SPAG16: variants seen among roughly 807,000 people sequenced by gnomAD.
The protein encoded by SPAG16 is sperm-associated antigen 16 protein.
SPAG16 carries 86 observed loss-of-function variants against 80.4 expected under a neutral mutation model. The ratio of observed to expected loss-of-function variants is 1.07; its 90% confidence interval spans 0.90 to 1.28. The LOEUF is 1.28. Ranked by LOEUF, SPAG16 falls within the 50% of genes most tolerant of loss-of-function variation. The pLI is 0.00. For missense variants in SPAG16, 870 were observed against 765.3 expected (o/e 1.14, Z -1.61); for synonymous variants, 294 against 265.9 (o/e 1.11, Z -1.03).
chr2:213,717,563 T>A (rs993735756), intron 10 of SPAG16, among the ~76,000 whole-genome samples: 23 of 152,080 alleles, frequency 1.5e-4, no homozygotes, highest in Non-Finnish European at 3.2e-4. Flanking sequence ...CTCTTTTTTT[T>A]TTTAAACAAG....
chr2:213,849,002 T>C (rs2074771193), intron 10 of SPAG16, among the ~76,000 whole-genome samples: 1 of 152,188 alleles, frequency 6.6e-6, no homozygotes, highest in South Asian at 2.1e-4. Context: ...ACCTTATGGG[T>C]TTGTGTTGCT....
chr2:214,312,689 G>T (rs1350858787), intron 15 of SPAG16, among the ~76,000 whole-genome samples: 1 of 152,088 alleles, frequency 6.6e-6, no homozygotes, highest in Non-Finnish European at 1.5e-5. Context: ...TATGTATGGG[G>T]AGCACAAGGC....
At chr2:214,383,909 T>C (rs1429825053) in intron 15 of SPAG16, among the ~76,000 whole-genome samples, 1 of 75,596 alleles carries the variant, frequency 1.3e-5, no homozygotes, top group Non-Finnish European at 2.8e-5. Flanking sequence ...CAACAATTCA[T>C]GGACATGGCA....
intron 13 of SPAG16, among the ~76,000 whole-genome samples, chr2:214,089,334 T>C (rs2052008896): frequency 6.6e-6 from 1 of 152,170 alleles, no homozygotes; most frequent in Admixed American, 6.6e-5. Context: ...TTTTACATTA[T>C]GTACCAAAAG....
intron 10 of SPAG16, among the ~76,000 whole-genome samples, chr2:213,775,599 A>G (rs983008733): frequency 6.6e-6 from 1 of 152,160 alleles, no homozygotes; most frequent in Non-Finnish European, 1.5e-5. Flanking sequence ...CATAACTGAA[A>G]CACTGTACAC....
chr2:213,532,173 T>C (rs1409922995), intron 10 of SPAG16, among the ~76,000 whole-genome samples: 1 of 152,210 alleles, frequency 6.6e-6, no homozygotes, highest in East Asian at 1.9e-4. Context: ...AACAAAATCT[T>C]ATAAATTATT....
At chr2:213,453,177 C>A (rs1476726196) in intron 9 of SPAG16, among the ~76,000 whole-genome samples, 1 of 152,196 alleles carries the variant, frequency 6.6e-6, no homozygotes, top group African/African-American at 2.4e-5. Flanking sequence ...TTATCAATAT[C>A]ATTCTTGATC....
intron 10 of SPAG16, among the ~76,000 whole-genome samples, chr2:213,844,669 T>A (rs1199928142): frequency 6.6e-6 from 1 of 152,202 alleles, no homozygotes; most frequent in Non-Finnish European, 1.5e-5. Flanking sequence ...TGATTATTAA[T>A]AAGGTGTAGG....
At chr2:214,234,921 T>C (rs1688974523) in intron 15 of SPAG16, among the ~76,000 whole-genome samples, 1 of 152,144 alleles carries the variant, frequency 6.6e-6, no homozygotes, top group Non-Finnish European at 1.5e-5. Context: ...TTTTATGAAT[T>C]GGTGTCTCTA....
At chr2:213,396,607 C>G (rs1483046864) in intron 9 of SPAG16, 1 of 455,418 alleles carries the variant, frequency 2.2e-6, no homozygotes, top group East Asian at 7.0e-5. Context: ...ACAGGGAACT[C>G]TCAAACTTGG....
intron 10 of SPAG16, among the ~76,000 whole-genome samples, chr2:213,564,276 C>G (rs1433392015): frequency 2.0e-5 from 3 of 151,936 alleles, no homozygotes; most frequent in African/African-American, 4.8e-5. Flanking sequence ...AGGTGGATCT[C>G]TTGAGGTCAG....
intron 10 of SPAG16, among the ~76,000 whole-genome samples, chr2:213,734,670 A>G (rs888617395): frequency 2.0e-5 from 3 of 152,096 alleles, no homozygotes; most frequent in Admixed American, 2.0e-4. Flanking sequence ...CCAGAATGCT[A>G]TGGGTTCTTC....
intron 15 of SPAG16, among the ~76,000 whole-genome samples, chr2:214,319,502 GAAAA>G (rs3044978): frequency 0.013 from 1,871 of 145,882 alleles, 27 homozygotes; most frequent in African/African-American, 0.041. Flanking sequence ...AGATCCACTG[GAAAA>G]AAAAAAAAAA....
At chr2:213,924,717 G>A (rs995414867) in intron 11 of SPAG16, among the ~76,000 whole-genome samples, 2 of 151,764 alleles carry the variant, frequency 1.3e-5, no homozygotes, top group African/African-American at 4.8e-5. Context: ...AGTGTGCCTC[G>A]TGTAAAAATC....
At chr2:213,722,268 G>T (rs1159232796) in intron 10 of SPAG16, among the ~76,000 whole-genome samples, 1 of 152,192 alleles carries the variant, frequency 6.6e-6, no homozygotes, top group Non-Finnish European at 1.5e-5. Flanking sequence ...ATGAAAAACA[G>T]CTACTCAGAA....
chr2:213,846,601 G>A (rs1265162510), intron 10 of SPAG16, among the ~76,000 whole-genome samples: 1 of 151,872 alleles, frequency 6.6e-6, no homozygotes, highest in Non-Finnish European at 1.5e-5. Context: ...TAATAATGGA[G>A]TTATTTTTAT....
At chr2:214,347,911 C>T (rs1698162787) in intron 15 of SPAG16, among the ~76,000 whole-genome samples, 1 of 152,164 alleles carries the variant, frequency 6.6e-6, no homozygotes, top group Admixed American at 6.5e-5. Context: ...CCAAGGAAAG[C>T]ATCAAGACCT....
chr2:213,431,286 C>T (rs1467664127), intron 9 of SPAG16, among the ~76,000 whole-genome samples: 1 of 151,698 alleles, frequency 6.6e-6, no homozygotes, highest in East Asian at 1.9e-4. Flanking sequence ...AGTCAGAAAA[C>T]CTCACATACA....
At chr2:213,834,562 AT>A (rs1449715851) in intron 10 of SPAG16, among the ~76,000 whole-genome samples, 28 of 152,150 alleles carry the variant, frequency 1.8e-4, no homozygotes, top group Non-Finnish European at 3.2e-4. Context: ...TTCAGGACAG[AT>A]GAGTAAGAGA....
Sources: allele counts gnomAD v4.1 joint callset (sites outside exome capture counted in the v4.1 genomes callset), GRCh38; gene constraint gnomAD v4.1.1; transcripts MANE v1.5; gene names NCBI Gene and HGNC (gene_info 2026-07-23, HGNC 2026-07-21).